Variants in ZDHHC21 observed in about 807,000 individuals in gnomAD.
ZDHHC21 encodes zDHHC palmitoyltransferase 21, also known as palmitoyltransferase ZDHHC21.
Under a neutral mutation model 34.6 loss-of-function variants are expected in ZDHHC21, and 15 were observed. The ratio of observed to expected loss-of-function variants is 0.43; its 90% CI spans 0.29 to 0.67. The LOEUF (loss-of-function observed/expected upper bound fraction) is 0.67, where lower values mean the gene tolerates loss of function less well. Ranked by LOEUF, ZDHHC21 falls within the 30% of genes least tolerant of loss-of-function variation. The pLI, the probability that ZDHHC21 is intolerant of heterozygous loss-of-function variation, is 0.14. For synonymous variants in ZDHHC21, 142 were observed against 101.8 expected (o/e 1.40, Z -2.38); for missense variants, 344 against 327.7 (o/e 1.05, Z -0.38).
intron 8 of ZDHHC21, among the ~76,000 whole-genome samples, chr9:14,623,244 G>T (rs1464240798): frequency 6.6e-6 from 1 of 152,108 alleles, no homozygotes; most frequent in East Asian, 1.9e-4. Context: ...TGGGTGCGGT[G>T]GCTCACGCCA....
In ZDHHC21 at chr9:14,616,923, A is replaced by T. The variant is rs528586292; in HGVS notation, c.*2043T>A. On this transcript the variant is annotated 3_prime_UTR_variant, in exon 10 of 10. Transcript: ENST00000380916. ...ATGAGGTAAATCTAGGAAAAATAAG[A>T]GCACAAATCATCAGAGTGGGAAAGA... is the stretch of plus-strand genomic sequence containing the variant. 5.9e-5 allele frequency: 9 copies of T among 152,006 alleles called. No homozygotes were observed. The highest frequency in any genetic ancestry group is 2.2e-4 in the African/African-American group (9 of 41,544). 9.4% of individuals were successfully genotyped at this position (152,006 alleles called of 1,614,324 possible).
chr9:14,607,799 CT>C (rs985197409), downstream of ZDHHC21, among the ~76,000 whole-genome samples: 3 of 152,292 alleles, frequency 2.0e-5, no homozygotes, highest in Admixed American at 1.3e-4. Context: ...CTCTACAGGG[CT>C]TTGAATACCA....
At chr9:14,659,076 G>A (rs1832886747) in intron 6 of ZDHHC21, among the ~76,000 whole-genome samples, 189 bp from the exon 7 acceptor site, 1 of 152,092 alleles carries the variant, frequency 6.6e-6, no homozygotes, top group African/African-American at 2.4e-5. Flanking sequence ...TATTTGTAAA[G>A]CACTTCACAA....
At chr9:14,593,961 T>G in the ZDHHC21 span, 9 of 152,224 alleles carry the variant, frequency 5.9e-5, no homozygotes, top group Admixed American at 2.6e-4. Context: ...GGGAGACAGC[T>G]TGGGGAAACA....
chr9:14,621,424 A>G (rs958144401), intron 8 of ZDHHC21, among the ~76,000 whole-genome samples: 5 of 152,234 alleles, frequency 3.3e-5, no homozygotes, highest in Admixed American at 3.3e-4. Flanking sequence ...TTTAGATTTC[A>G]TACAGAAAAA....
the ZDHHC21 span, among the ~76,000 whole-genome samples, chr9:14,592,741 T>C: frequency 3.3e-5 from 5 of 152,090 alleles, no homozygotes; most frequent in Non-Finnish European, 4.4e-5. Flanking sequence ...ATATGAAAAA[T>C]TGTTCAAGAT....
chr9:14,602,300 A>T, the ZDHHC21 span, among the ~76,000 whole-genome samples: 1 of 152,120 alleles, frequency 6.6e-6, no homozygotes, highest in Non-Finnish European at 1.5e-5. Flanking sequence ...TAATTCAGTC[A>T]AATTTAAAAA....
intron 8 of ZDHHC21, among the ~76,000 whole-genome samples, chr9:14,634,230 A>C (rs993257158): frequency 1.3e-5 from 2 of 152,158 alleles, no homozygotes; most frequent in Non-Finnish European, 2.9e-5. Flanking sequence ...CCCATTGCTG[A>C]TATTGTCAAC....
chr9:14,599,026 G>C, the ZDHHC21 span, among the ~76,000 whole-genome samples: 1 of 152,192 alleles, frequency 6.6e-6, no homozygotes, highest in Admixed American at 6.5e-5. Context: ...GCCTCCCAAA[G>C]TGCTAGGATT....
the ZDHHC21 span, among the ~76,000 whole-genome samples, chr9:14,594,848 A>G: frequency 6.6e-6 from 1 of 152,214 alleles, no homozygotes; most frequent in African/African-American, 2.4e-5. Context: ...AAACAATTTA[A>G]TAAGTGGGCA....
chr9:14,600,885 AAAC>A, the ZDHHC21 span, among the ~76,000 whole-genome samples: 1 of 152,226 alleles, frequency 6.6e-6, no homozygotes, highest in Non-Finnish European at 1.5e-5. Context: ...AATATGACAA[AAAC>A]AAGCAATGGG....
intron 3 of ZDHHC21, among the ~76,000 whole-genome samples, 198 bp downstream of exon 3, chr9:14,679,835 C>T (rs967025496): frequency 2.0e-5 from 3 of 152,034 alleles, no homozygotes; most frequent in African/African-American, 7.2e-5. Context: ...ATATTATTTA[C>T]AGATTATTTT....
chr9:14,678,640 C>T (rs921621156), intron 3 of ZDHHC21, among the ~76,000 whole-genome samples: 3 of 151,996 alleles, frequency 2.0e-5, no homozygotes, highest in Non-Finnish European at 2.9e-5. Flanking sequence ...AGGTAAAACT[C>T]TTTTACACAG....
chr9:14,693,079 G>C (rs1839402922), intron 1 of ZDHHC21, 150 bp downstream of exon 1: 1 of 199,496 alleles, frequency 5.0e-6, no homozygotes, highest in Non-Finnish European at 1.0e-5. Context: ...AGCAGGTGCA[G>C]GGGGCGTGCA....
chr9:14,660,773 A>G (rs942853016), intron 6 of ZDHHC21, among the ~76,000 whole-genome samples: 2 of 152,194 alleles, frequency 1.3e-5, no homozygotes, highest in African/African-American at 4.8e-5. Flanking sequence ...TTGGTCACCA[A>G]TAAGTGAGTC....
At chr9:14,601,165 T>A in the ZDHHC21 span, among the ~76,000 whole-genome samples, 1 of 152,032 alleles carries the variant, frequency 6.6e-6, no homozygotes. Context: ...CTAATCAAAC[T>A]AAAAAACTTC....
At chr9:14,675,455 A>C (rs913610893) in intron 3 of ZDHHC21, among the ~76,000 whole-genome samples, 21 of 152,064 alleles carry the variant, frequency 1.4e-4, no homozygotes, top group African/African-American at 4.8e-4. Flanking sequence ...ATAATTCTTC[A>C]TAAAACTCAA....
At chr9:14,652,617 G>A (rs1831421890) in intron 7 of ZDHHC21, among the ~76,000 whole-genome samples, 1 of 151,950 alleles carries the variant, frequency 6.6e-6, no homozygotes, top group Non-Finnish European at 1.5e-5. Flanking sequence ...CCTGAAAACA[G>A]AAGGCGAGGA....
intron 7 of ZDHHC21, among the ~76,000 whole-genome samples, chr9:14,650,506 T>C (rs907280286): frequency 1.5e-4 from 23 of 151,950 alleles, no homozygotes; most frequent in African/African-American, 5.6e-4. Context: ...CTTCTAGATA[T>C]TAAGAAAATA....
Sources: allele counts gnomAD v4.1 joint callset (sites outside exome capture counted in the v4.1 genomes callset), GRCh38; gene constraint gnomAD v4.1.1; transcripts MANE v1.5; gene names NCBI Gene and HGNC (gene_info 2026-07-23, HGNC 2026-07-21).